Variants in FMN2 observed in about 807,000 individuals in gnomAD.
FMN2 encodes the protein formin-2.
A neutral mutation model predicts 142.3 loss-of-function variants in FMN2; 51 were observed. The ratio of observed to expected loss-of-function variants is 0.36; its 90% CI spans 0.29 to 0.45. The LOEUF is 0.45. FMN2 is among the 20% of genes least tolerant of loss of function. The pLI is 1.00. For missense variants in FMN2, 1,936 were observed against 2,122.8 expected (o/e 0.91, Z 1.73); for synonymous variants, 882 against 869.8 (o/e 1.01, Z -0.25).
chr1:240,187,785 G>C (rs972150261), intron 3 of FMN2, among the ~76,000 whole-genome samples: 1 of 152,124 alleles, frequency 6.6e-6, no homozygotes, highest in Non-Finnish European at 1.5e-5. Flanking sequence ...TTGAAATCAA[G>C]GGGCAATTTG....
intron 6 of FMN2, among the ~76,000 whole-genome samples, chr1:240,251,978 G>A (rs536081321): frequency 1.5e-4 from 23 of 152,194 alleles, no homozygotes; most frequent in Admixed American, 6.5e-4. Context: ...ACGCTATCTC[G>A]GCTCAGTGCA....
At chr1:240,195,052 A>G (rs1040202490) in intron 4 of FMN2, among the ~76,000 whole-genome samples, 2 of 152,160 alleles carry the variant, frequency 1.3e-5, no homozygotes, top group Non-Finnish European at 2.9e-5. Flanking sequence ...TAGTTGAGCA[A>G]TACTCTGGTT....
At chr1:240,308,291 A>G (rs1479330046) in intron 8 of FMN2, among the ~76,000 whole-genome samples, 2 of 152,190 alleles carry the variant, frequency 1.3e-5, no homozygotes. Context: ...TTAGAGATAA[A>G]TTGGTGGGGA....
chr1:240,374,255 G>C (rs1672968143), intron 14 of FMN2, among the ~76,000 whole-genome samples: 1 of 152,140 alleles, frequency 6.6e-6, no homozygotes, highest in Non-Finnish European at 1.5e-5. Flanking sequence ...TAGGCTGCAG[G>C]ATTTTTGAAA....
At position 240,474,228 on chromosome 1, in the gene FMN2, G is replaced by T; in HGVS notation, c.*74G>T. The T allele has an allele frequency of 7.6e-7, 1 of 1,323,338 alleles. No individual in the cohort carries two copies. Among genetic ancestry groups the T allele is most frequent in the Non-Finnish European group, 1.0e-6 (1 of 972,012 alleles). 82.0% of individuals were successfully genotyped at this position (1,323,338 alleles called of 1,614,324 possible). ...ATTCAGCTGACCTGAGAGTGGGAGGGAAACTACCGTCATTCTGCTCATGTT... is the reference window on the plus strand; with the variant it reads ...ATTCAGCTGACCTGAGAGTGGGAGGTAAACTACCGTCATTCTGCTCATGTT... On this transcript the variant is annotated 3_prime_UTR_variant, in exon 18 of 18. Transcript: ENST00000319653.
rs541545673 is a variant in FMN2 at position 240,440,772 on chromosome 1, A to G, written c.5060+2562A>G. Among the ~76,000 whole-genome samples, 58 of 152,256 alleles carry G rather than the reference A, an allele frequency of 3.8e-4. 1 individual carries two copies. Among genetic ancestry groups the G allele is most frequent in the African/African-American group, 1.3e-3 (56 of 41,552 alleles). The stretch of plus-strand genomic sequence containing the variant: ...ACCAGTTTGCTTGAAAAGGAAAACC[A>G]TTGGTTGGAGTTGTTTGAAGAACAA... On this transcript the variant is annotated intron_variant, in intron 16 of 17. Transcript: ENST00000319653.
intron 1 of FMN2, among the ~76,000 whole-genome samples, chr1:240,102,515 A>T (rs1407369672): frequency 1.3e-5 from 2 of 152,076 alleles, no homozygotes; most frequent in Admixed American, 1.3e-4. Flanking sequence ...CTGTTTGGAG[A>T]GGGTAAGTTA....
chr1:240,144,252 A>G, intron 2 of FMN2: 1 of 1,594,544 alleles, frequency 6.3e-7, no homozygotes, highest in South Asian at 1.1e-5. Context: ...CCACTCACAA[A>G]AGAGGAGGCC....
At chr1:240,277,362 C>A (rs1171204191) in intron 7 of FMN2, among the ~76,000 whole-genome samples, 1 of 150,906 alleles carries the variant, frequency 6.6e-6, no homozygotes, top group Non-Finnish European at 1.5e-5. Context: ...CCGTTTAAGA[C>A]CAGCAGGTCT....
intron 16 of FMN2, among the ~76,000 whole-genome samples, chr1:240,438,574 A>C (rs9728292): frequency 0.19 from 28,445 of 152,240 alleles, 2,859 homozygotes; most frequent in Middle Eastern, 0.27. Context: ...GAAGGGTAAA[A>C]GGAATAGTTT....
chr1:240,325,077 C>T (rs1011066909), intron 8 of FMN2, among the ~76,000 whole-genome samples: 3 of 151,804 alleles, frequency 2.0e-5, no homozygotes, highest in East Asian at 3.9e-4. Context: ...TTGAAGTAAT[C>T]GGTTGAAGGG....
intron 15 of FMN2, among the ~76,000 whole-genome samples, chr1:240,395,490 A>T (rs1054731535): frequency 6.6e-6 from 1 of 152,214 alleles, no homozygotes; most frequent in East Asian, 1.9e-4. Context: ...TCTGGAAAGG[A>T]TTCACCATTC....
intron 3 of FMN2, among the ~76,000 whole-genome samples, chr1:240,182,625 G>A (rs2103332737): frequency 6.6e-6 from 1 of 152,272 alleles, no homozygotes; most frequent in South Asian, 2.1e-4. Context: ...GATCATAAAG[G>A]AATATAGATC....
At chr1:240,346,927 A>G (rs1224969025) in intron 13 of FMN2, among the ~76,000 whole-genome samples, 2 of 152,222 alleles carry the variant, frequency 1.3e-5, no homozygotes, top group Non-Finnish European at 2.9e-5. Flanking sequence ...CTAATAATAT[A>G]AAACTTATTT....
At chr1:240,339,148 GC>G (rs1671664672) in intron 13 of FMN2, among the ~76,000 whole-genome samples, 2 of 152,118 alleles carry the variant, frequency 1.3e-5, no homozygotes, top group Admixed American at 6.5e-5. Flanking sequence ...GGGTGTCCCG[GC>G]TCCTAACAGG....
chr1:240,111,793 C>G (rs561782939), intron 1 of FMN2, among the ~76,000 whole-genome samples: 1 of 152,268 alleles, frequency 6.6e-6, no homozygotes, highest in South Asian at 2.1e-4. Context: ...TGGAGTCACT[C>G]TGGTTCAAAC....
chr1:240,143,162 C>T, intron 2 of FMN2: 1 of 1,578,590 alleles, frequency 6.3e-7, no homozygotes, highest in African/African-American at 1.4e-5. Flanking sequence ...ACTGGCGCAA[C>T]ATTGCAGCCA....
intron 14 of FMN2, among the ~76,000 whole-genome samples, chr1:240,356,349 C>T (rs1310100036): frequency 6.6e-6 from 1 of 152,000 alleles, no homozygotes; most frequent in Non-Finnish European, 1.5e-5. Context: ...TGATGTTGTT[C>T]GGATCTTCAG....
intron 6 of FMN2, among the ~76,000 whole-genome samples, chr1:240,221,952 A>G (rs1259965291): frequency 6.7e-6 from 1 of 148,488 alleles, no homozygotes; most frequent in Non-Finnish European, 1.5e-5. Context: ...GGTTCAAGCA[A>G]TTCTCCTGCC....
Sources: gnomAD v4.1 joint callset for allele counts (sites outside exome capture counted in the v4.1 genomes callset) on GRCh38, gnomAD v4.1.1 for gene constraint, MANE v1.5 for transcripts, NCBI Gene and HGNC (gene_info 2026-07-23, HGNC 2026-07-21) for gene names.